Variants in CACNB4 observed in about 807,000 individuals in gnomAD.
The protein encoded by CACNB4 is calcium voltage-gated channel auxiliary subunit beta 4.
In CACNB4, 32 loss-of-function variants were observed where a neutral mutation model predicts 71.2. The ratio of observed to expected loss-of-function variants is 0.45; its 90% CI spans 0.34 to 0.60. CACNB4 has a LOEUF of 0.60. Ranked by LOEUF, CACNB4 falls within the 20% of genes least tolerant of loss-of-function variation. The pLI is 0.01. For missense variants in CACNB4, 464 were observed against 647.9 expected, an observed-to-expected ratio of 0.72 and a Z score of 3.08; for synonymous variants, 231 against 236.9, an observed-to-expected ratio of 0.97 and a Z score of 0.23.
At chr2:151,991,439 C>T (rs2151763087) in intron 2 of CACNB4, among the ~76,000 whole-genome samples, 1 of 152,364 alleles carries the variant, frequency 6.6e-6, no homozygotes, top group African/African-American at 2.4e-5. Flanking sequence ...GTCCTCCTCT[C>T]ACCTGAAGAT....
intron 9 of CACNB4, 65 bp from the exon 10 acceptor site, chr2:151,860,885 A>T (rs970205722): frequency 9.8e-7 from 1 of 1,020,450 alleles, no homozygotes; most frequent in African/African-American, 1.6e-5. Context: ...CAAGTGATTT[A>T]TAACCACAGT....
Position 151,990,050 on chromosome 2 carries a change from C to A in CACNB4, c.148-106680G>T, listed in dbSNP as rs1484642879. Among the ~76,000 whole-genome samples the A allele has an allele frequency of 5.9e-5, 9 of 152,304 alleles. No homozygotes were observed. In the East Asian group the frequency reaches 1.2e-3, roughly 20 times the overall value. The stretch of plus-strand genomic sequence containing the variant: ...CTTCTGCATCCAACTGTGCCCACCC[C>A]TCAAGTCCCATATATCTTTCCATTT... On this transcript the variant is annotated intron_variant, in intron 2 of 13. Transcript: ENST00000539935.
chr2:151,899,888 C>T (rs1445332133), intron 2 of CACNB4, among the ~76,000 whole-genome samples: 3 of 152,058 alleles, frequency 2.0e-5, no homozygotes, highest in Non-Finnish European at 2.9e-5. Context: ...GGGCTTATAA[C>T]CTAATAGGGC....
chr2:151,901,537 T>C (rs2099853425), intron 2 of CACNB4, among the ~76,000 whole-genome samples: 1 of 151,884 alleles, frequency 6.6e-6, no homozygotes. Context: ...TACAATACCA[T>C]CTACAATACT....
chr2:151,877,334 C>A (rs1331193227), intron 4 of CACNB4, among the ~76,000 whole-genome samples: 2 of 152,250 alleles, frequency 1.3e-5, no homozygotes, highest in East Asian at 3.9e-4. Flanking sequence ...TAAAACTTTT[C>A]TTTACAAAAA....
In CACNB4 at chr2:151,920,913, C is replaced by T. The variant is rs142918775; in HGVS notation, c.148-37543G>A. On this transcript the variant is annotated intron_variant, in intron 2 of 13. Transcript: ENST00000539935. ...TAGCACTTTGGGAGGCCAAGGCGGA[C>T]GGATCACGAGGTCAGGAGATCAAGA... 5.7e-3 allele frequency among the ~76,000 whole-genome samples: 867 copies of T among 152,038 alleles called. 8 individuals are homozygous for T. Among genetic ancestry groups the T allele is most frequent in the African/African-American group, 0.019 (786 of 41,450 alleles).
chr2:151,971,486 C>G, intron 2 of CACNB4: 1 of 702,704 alleles, frequency 1.4e-6, no homozygotes, highest in Non-Finnish European at 2.6e-6. Flanking sequence ...CTTTCCACGC[C>G]TATCCACCAG....
chr2:151,938,847 A>C (rs531683025), intron 2 of CACNB4, among the ~76,000 whole-genome samples: 3 of 152,184 alleles, frequency 2.0e-5, no homozygotes, highest in African/African-American at 7.2e-5. Context: ...TTGTAAATAC[A>C]ATGGAAAGGT....
At position 151,836,983 on chromosome 2, in the gene CACNB4, A is replaced by T. The variant is rs1225984324; in HGVS notation, c.*2136T>A. 1 of 152,000 alleles carries T rather than the reference A, an allele frequency of 6.6e-6. No individual in the cohort carries two copies. Among genetic ancestry groups the T allele is most frequent in the Non-Finnish European group, 1.5e-5 (1 of 67,864 alleles). 9.4% of individuals were successfully genotyped at this position (152,000 alleles called of 1,614,324 possible). On this transcript the variant is annotated 3_prime_UTR_variant, in exon 14 of 14. Transcript: ENST00000539935. ...AGAAACCAGTAAAGCATATAGAAAA[A>T]TGTTTTGGCTAATGTTTTCTTTCTC...
chr2:152,037,569 T>G (rs927677985), intron 2 of CACNB4, among the ~76,000 whole-genome samples: 2 of 152,188 alleles, frequency 1.3e-5, no homozygotes, highest in African/African-American at 4.8e-5. Flanking sequence ...TTTTGAAGTA[T>G]TCCATGAACA....
intron 4 of CACNB4, chr2:151,879,860 G>A (rs1289072756): frequency 6.6e-6 from 1 of 152,204 alleles, no homozygotes; most frequent in Admixed American, 6.5e-5. Context: ...ATACAAGGTT[G>A]GAATGTTGGT....
chr2:151,963,636 G>T (rs2099870229), intron 2 of CACNB4, among the ~76,000 whole-genome samples: 1 of 152,124 alleles, frequency 6.6e-6, no homozygotes, highest in Non-Finnish European at 1.5e-5. Context: ...AACCAAAAAA[G>T]AATGTATAAT....
Position 151,835,650 on chromosome 2 carries a change from T to TTAAA in CACNB4, c.*3468_*3469insTTTA, listed in dbSNP as rs2099834741. 1 of 151,894 alleles carries TTAAA rather than the reference T, an allele frequency of 6.6e-6. No homozygotes were observed. The highest frequency in any genetic ancestry group is 6.6e-5 in the Admixed American group (1 of 15,254). The allele number at this position is 151,894 out of a possible 1,614,324, so 9.4% of individuals were successfully genotyped here. On this transcript the variant is annotated 3_prime_UTR_variant, in exon 14 of 14. Transcript: ENST00000539935. ...TTAACAACATTTTGTGATATGTTCA[T>TTAAA]TTAAAGAATTTAAATTTGCAAACCA...
At chr2:152,050,125 G>C (rs1360786879) in intron 2 of CACNB4, among the ~76,000 whole-genome samples, 1 of 152,234 alleles carries the variant, frequency 6.6e-6, no homozygotes, top group Non-Finnish European at 1.5e-5. Context: ...CATTATCACA[G>C]CTGCCCTGGA....
At chr2:152,093,212 G>A (rs1688073826) in intron 2 of CACNB4, among the ~76,000 whole-genome samples, 1 of 152,054 alleles carries the variant, frequency 6.6e-6, no homozygotes, top group South Asian at 2.1e-4. Flanking sequence ...TTAGGGAGCT[G>A]CCTTCTCTTC....
chr2:151,845,034 A>AAGG (rs1349275650), intron 12 of CACNB4, among the ~76,000 whole-genome samples: 9 of 152,222 alleles, frequency 5.9e-5, no homozygotes, highest in Admixed American at 5.9e-4. Flanking sequence ...TGCAAAGCCC[A>AAGG]AGGAGGGTAA....
At chr2:151,922,337 G>A (rs1387116898) in intron 2 of CACNB4, among the ~76,000 whole-genome samples, 1 of 152,090 alleles carries the variant, frequency 6.6e-6, no homozygotes. Flanking sequence ...TAAGTAACTG[G>A]GACTATAGGC....
chr2:151,869,209 G>A lies in CACNB4; in HGVS notation c.726C>T (p.Leu242=). The A allele has an allele frequency of 6.4e-7, 1 of 1,570,854 alleles. No individual in the cohort carries two copies. The highest frequency in any genetic ancestry group is 1.2e-5 in the South Asian group (1 of 85,466). ...YEVTDMMQKA[L]FDFLKHRFDG... Reference sequence around the variant, plus strand: ...CAAACCTGTGCTTCAGGAAATCAAAGAGGGCTTTCTGCATCATGTCTGTTA... The same window carrying A: ...CAAACCTGTGCTTCAGGAAATCAAAAAGGGCTTTCTGCATCATGTCTGTTA... Residue 242 remains leucine (L), a synonymous_variant, in exon 9 of 14, where the codon CTC becomes CTT. Coordinates refer to ENST00000539935, the MANE Select transcript of CACNB4 (RefSeq NM_000726.5).
intron 2 of CACNB4, among the ~76,000 whole-genome samples, chr2:152,091,248 A>C (rs1228335147): frequency 1.3e-5 from 2 of 152,182 alleles, no homozygotes; most frequent in East Asian, 3.8e-4. Context: ...CTATCAGAGC[A>C]AGAGAAGATT....
Sources: gnomAD v4.1 joint callset for allele counts (sites outside exome capture counted in the v4.1 genomes callset) on GRCh38, gnomAD v4.1.1 for gene constraint, MANE v1.5 for transcripts, NCBI Gene and HGNC (gene_info 2026-07-23, HGNC 2026-07-21) for gene names.